Variants in CSNK1G3 observed in about 807,000 individuals in gnomAD.
CSNK1G3 encodes casein kinase I isoform gamma-3.
A neutral mutation model predicts 64.3 loss-of-function variants in CSNK1G3; 23 were observed. The observed-to-expected ratio is 0.36, with a 90% confidence interval of 0.26 to 0.51. The LOEUF is 0.51. CSNK1G3 is among the 20% of genes least tolerant of loss of function. The probability of loss-of-function intolerance (pLI) is 0.96; values close to 1 mark genes in which losing one functional copy is unlikely to be tolerated. For synonymous variants in CSNK1G3, 158 were observed against 162.2 expected, an observed-to-expected ratio of 0.97 and a Z score of 0.20; for missense variants, 357 against 510.5, an observed-to-expected ratio of 0.70 and a Z score of 2.90.
rs143706811 is a variant in CSNK1G3, at chr5:123,525,358, T to A, written c.-248+12788T>A. ...ACGGAGTCTCACTCTGTCGCCCAGG[T>A]TGGAGTGCAGTGGTGCGATCTCGGC... On this transcript the variant is annotated intron_variant, in intron 1 of 12. Transcript: ENST00000345990. Among the ~76,000 whole-genome samples, 1,099 of 150,448 alleles carry A rather than the reference T, an allele frequency of 7.3e-3. 11 individuals carry two copies. Among genetic ancestry groups the A allele is most frequent in the African/African-American group, 0.025 (1,017 of 40,882 alleles).
At chr5:123,531,219 T>C (rs1011655993) in intron 1 of CSNK1G3, among the ~76,000 whole-genome samples, 5 of 152,134 alleles carry the variant, frequency 3.3e-5, no homozygotes, top group Admixed American at 6.5e-5. Flanking sequence ...GTAAACAATA[T>C]TGAATAACAT....
chr5:123,549,613 T>G (rs979160592), intron 2 of CSNK1G3, among the ~76,000 whole-genome samples: 2 of 152,228 alleles, frequency 1.3e-5, no homozygotes, highest in Non-Finnish European at 2.9e-5. Context: ...GCATTGCCTT[T>G]CGCTGGGAAA....
At chr5:123,599,795 A>G (rs1750201406) in intron 10 of CSNK1G3, among the ~76,000 whole-genome samples, 1 of 152,104 alleles carries the variant, frequency 6.6e-6, no homozygotes, top group African/African-American at 2.4e-5. Context: ...AATAATTTAT[A>G]GTTCATCTAG....
chr5:123,523,221 CTTAG>C lies in CSNK1G3; in HGVS notation c.-248+10655_-248+10658del, dbSNP rs1343823096. On this transcript the variant is annotated intron_variant, in intron 1 of 12. Coordinates refer to ENST00000345990, the Ensembl canonical transcript of CSNK1G3. ...TTCCCGCTCAGTGAAAAAATTTTAC[CTTAG>C]TTATAGTATATTGTGTTTATTGCAT... Among the ~76,000 whole-genome samples the C allele has an allele frequency of 3.9e-5, 6 of 152,052 alleles. No individual in the cohort carries two copies. In the East Asian group the frequency reaches 1.2e-3, roughly 29 times the overall value.
At position 123,605,448 on chromosome 5, in the gene CSNK1G3, A is replaced by G. The variant is rs970778643; in HGVS notation, c.1217+86A>G. The stretch of plus-strand genomic sequence containing the variant: ...CATCATTTTGTGTCTTTTGAAAACA[A>G]AACTCTCAACACAGTGATTATAATT... On this transcript the variant is annotated intron_variant, in intron 12 of 12. Coordinates refer to ENST00000345990, the Ensembl canonical transcript of CSNK1G3. 6 of 1,387,390 alleles carry G rather than the reference A, an allele frequency of 4.3e-6. No homozygotes were observed. In the African/African-American group the frequency reaches 7.2e-5, roughly 17 times the overall value. The allele number at this position is 1,387,390 out of a possible 1,614,324, so 85.9% of individuals were successfully genotyped here.
At chr5:123,563,120 A>G (rs536512944) in intron 4 of CSNK1G3, among the ~76,000 whole-genome samples, 2 of 152,172 alleles carry the variant, frequency 1.3e-5, no homozygotes, top group African/African-American at 4.8e-5. Context: ...AATCATAGGA[A>G]AAAATAACCT....
In CSNK1G3 at chr5:123,575,720, TAAACCAA is replaced by T. The variant is rs1471534569; in HGVS notation, c.439-8_439-2del. ...AATAAAACTTCTCTTCTTTTTTTCT[TAAACCAA>T]GATTTCTCGCATGGAATATGTCCAT... is the stretch of plus-strand genomic sequence containing the variant. On this transcript the variant is annotated splice_acceptor_variant and splice_polypyrimidine_tract_variant and intron_variant, in intron 5 of 12. Coordinates refer to ENST00000345990, the Ensembl canonical transcript of CSNK1G3. LOFTEE classifies it high-confidence loss of function. The T allele has an allele frequency of 6.3e-7, 1 of 1,594,738 alleles. No individual in the cohort carries two copies. Among genetic ancestry groups the T allele is most frequent in the Non-Finnish European group, 8.6e-7 (1 of 1,164,896 alleles).
At chr5:123,553,487 G>A (rs903433110) in intron 3 of CSNK1G3, among the ~76,000 whole-genome samples, 6 of 152,104 alleles carry the variant, frequency 3.9e-5, no homozygotes, top group Non-Finnish European at 8.8e-5. Context: ...AAACATTTTG[G>A]TAAAACAAAA....
chr5:123,610,686 A>G (rs1796168547), intron 12 of CSNK1G3, among the ~76,000 whole-genome samples: 1 of 152,176 alleles, frequency 6.6e-6, no homozygotes, highest in South Asian at 2.1e-4. Context: ...GTAGGACTTA[A>G]CATATATTCC....
rs1053337824 is a variant in CSNK1G3, at chr5:123,531,520, A to G, written c.-247-13897A>G. Among the ~76,000 whole-genome samples, 4 of 152,010 alleles carry G rather than the reference A, an allele frequency of 2.6e-5. 1 individual carries two copies. Among genetic ancestry groups the G allele is most frequent in the Admixed American group, 2.0e-4 (3 of 15,244 alleles). On this transcript the variant is annotated intron_variant, in intron 1 of 12. Coordinates refer to ENST00000345990, the Ensembl canonical transcript of CSNK1G3. The stretch of plus-strand genomic sequence containing the variant: ...TCAGATTATGTCTAATGTTTTCTGT[A>G]TTTAGCAGCTCATTTTTATCTTTAT...
exon 13 of CSNK1G3, chr5:123,614,818 T>G (rs1304846841): frequency 6.5e-6 from 1 of 154,796 alleles, no homozygotes; most frequent in African/African-American, 2.4e-5. Context: ...TCTCAGTGGA[T>G]AATACAACAG....
At position 123,575,969 on chromosome 5, in the gene CSNK1G3, T is replaced by C; in HGVS notation, c.673+6T>C. 6.4e-7 allele frequency: 1 copy of C among 1,561,838 alleles called. No individual in the cohort carries two copies. Among genetic ancestry groups the C allele is most frequent in the Non-Finnish European group, 8.8e-7 (1 of 1,133,692 alleles). ...AAACACACATTTAGGAAAAGGTATG[T>C]GTACCTTTCGTAAGTATGGAAGTTT... On this transcript the variant is annotated splice_donor_region_variant and intron_variant, in intron 6 of 12. Coordinates refer to ENST00000345990, the Ensembl canonical transcript of CSNK1G3.
chr5:123,538,297 T>C (rs1337230170), intron 1 of CSNK1G3, among the ~76,000 whole-genome samples: 1 of 152,174 alleles, frequency 6.6e-6, no homozygotes, highest in Non-Finnish European at 1.5e-5. Context: ...CCACCAGCAC[T>C]TTTTTGAGAG....
At chr5:123,600,212 A>G in intron 10 of CSNK1G3, among the ~76,000 whole-genome samples, 1 of 152,300 alleles carries the variant, frequency 6.6e-6, no homozygotes, top group South Asian at 2.1e-4. Flanking sequence ...AAAATATATA[A>G]TGTTTTAGTA....
chr5:123,517,037 A>G (rs1223514181), intron 1 of CSNK1G3, among the ~76,000 whole-genome samples: 1 of 152,208 alleles, frequency 6.6e-6, no homozygotes, highest in African/African-American at 2.4e-5. Flanking sequence ...GATGCCTGCC[A>G]CATAGTAGGC....
chr5:123,564,269 C>T (rs1320567646), intron 4 of CSNK1G3, among the ~76,000 whole-genome samples: 1 of 151,882 alleles, frequency 6.6e-6, no homozygotes, highest in African/African-American at 2.4e-5. Flanking sequence ...TTATATGGTG[C>T]AGGCATTAGT....
At chr5:123,573,850 ATTT>A (rs35902791) in intron 5 of CSNK1G3, among the ~76,000 whole-genome samples, 3 of 140,222 alleles carry the variant, frequency 2.1e-5, no homozygotes, top group African/African-American at 2.7e-5. Context: ...AGAAACATAG[ATTT>A]TTTTTTTTTT....
chr5:123,595,318 T>C (rs1442008326), intron 10 of CSNK1G3, among the ~76,000 whole-genome samples, 184 bp downstream of exon 11: 1 of 152,146 alleles, frequency 6.6e-6, no homozygotes, highest in Non-Finnish European at 1.5e-5. Flanking sequence ...AGAAAGACCA[T>C]CAGGAATACC....
intron 6 of CSNK1G3, among the ~76,000 whole-genome samples, 168 bp downstream of exon 6, chr5:123,576,131 CTT>C (rs1789111630): frequency 6.6e-6 from 1 of 152,162 alleles, no homozygotes; most frequent in African/African-American, 2.4e-5. Flanking sequence ...TAATAAAACT[CTT>C]TGAAAGTAAG....
Sources: gnomAD v4.1 joint callset for allele counts (sites outside exome capture counted in the v4.1 genomes callset) on GRCh38, gnomAD v4.1.1 for gene constraint, MANE v1.5 for transcripts, NCBI Gene and HGNC (gene_info 2026-07-23, HGNC 2026-07-21) for gene names.